PDGFD: variants seen among roughly 807,000 people sequenced by gnomAD.
PDGFD encodes platelet-derived growth factor D.
Under a neutral mutation model 44.7 loss-of-function variants are expected in PDGFD, and 30 were observed. The ratio of observed to expected loss-of-function variants is 0.67; its 90% CI spans 0.50 to 0.91. The LOEUF is 0.91. Among genes scored for constraint, PDGFD ranks in the 40% least tolerant of loss-of-function variants. The pLI, the probability that PDGFD is intolerant of heterozygous loss-of-function variation, is 0.00. For synonymous variants in PDGFD, 173 were observed against 168.4 expected (o/e 1.03, Z -0.21); for missense variants, 445 against 457.8 (o/e 0.97, Z 0.25).
At chr11:104,150,210 T>C (rs1862222191) in intron 1 of PDGFD, among the ~76,000 whole-genome samples, 1 of 152,204 alleles carries the variant, frequency 6.6e-6, no homozygotes, top group Non-Finnish European at 1.5e-5. Flanking sequence ...AATAATTTTA[T>C]AATATAATGA....
chr11:104,062,061 C>T (rs1343033479), intron 1 of PDGFD, among the ~76,000 whole-genome samples: 1 of 152,220 alleles, frequency 6.6e-6, no homozygotes, highest in Non-Finnish European at 1.5e-5. Flanking sequence ...ATAATTGAGA[C>T]ACCATCCCCT....
At chr11:104,018,714 C>T (rs567007977) in intron 1 of PDGFD, among the ~76,000 whole-genome samples, 22 of 152,324 alleles carry the variant, frequency 1.4e-4, no homozygotes, top group Non-Finnish European at 2.5e-4. Context: ...CATACATGTC[C>T]TTTTCTGCCT....
chr11:104,112,447 C>A (rs1166709572), intron 1 of PDGFD, among the ~76,000 whole-genome samples: 1 of 152,010 alleles, frequency 6.6e-6, no homozygotes, highest in Non-Finnish European at 1.5e-5. Context: ...TTAGTTCAAC[C>A]ATTGTGGAAG....
intron 3 of PDGFD, among the ~76,000 whole-genome samples, chr11:103,954,199 G>A (rs61059436): frequency 0.04 from 6,101 of 152,288 alleles, 184 homozygotes; most frequent in African/African-American, 0.082. Context: ...CCATGCCAGA[G>A]AGGACAGTTG....
At chr11:103,936,591 TA>T (rs1367994221) in intron 5 of PDGFD, among the ~76,000 whole-genome samples, 2 of 152,180 alleles carry the variant, frequency 1.3e-5, no homozygotes, top group Admixed American at 6.6e-5. Context: ...TACCTGTAAA[TA>T]ATTTGCAAAT....
At chr11:104,123,970 G>A (rs1861810595) in intron 1 of PDGFD, among the ~76,000 whole-genome samples, 1 of 146,602 alleles carries the variant, frequency 6.8e-6, no homozygotes, top group African/African-American at 2.5e-5. Flanking sequence ...ACATTTAACA[G>A]GAAAAAGTGA....
chr11:104,137,705 T>C (rs1862029109), intron 1 of PDGFD, among the ~76,000 whole-genome samples: 1 of 151,212 alleles, frequency 6.6e-6, no homozygotes. Flanking sequence ...TCTAAAATTA[T>C]TCTATAGTGA....
chr11:104,143,120 GA>G (rs1305766811), intron 1 of PDGFD, among the ~76,000 whole-genome samples: 2 of 152,082 alleles, frequency 1.3e-5, no homozygotes, highest in Non-Finnish European at 2.9e-5. Flanking sequence ...TATTCTGTAT[GA>G]AAAAATTTTC....
intron 1 of PDGFD, among the ~76,000 whole-genome samples, chr11:104,157,649 C>T (rs1464749691): frequency 6.6e-6 from 1 of 152,180 alleles, no homozygotes; most frequent in Non-Finnish European, 1.5e-5. Flanking sequence ...ACCCAGTAAT[C>T]ATCCCTGAAC....
rs188701840 is a variant in PDGFD at position 104,070,515 on chromosome 11, A to T, written c.125-70260T>A. 2.4e-3 allele frequency among the ~76,000 whole-genome samples: 368 copies of T among 152,328 alleles called. 3 individuals are homozygous for T. The highest frequency in any genetic ancestry group is 5.0e-3 in the South Asian group (24 of 4,830). On this transcript the variant is annotated intron_variant, in intron 1 of 6. Coordinates refer to ENST00000393158, the MANE Select transcript of PDGFD (RefSeq NM_025208.5). ...CTGACCCAAGCCTCTAAAATAATACAGGAGTTCAATATGTGTTTAAAGTTC... is the reference window on the plus strand; with the variant it reads ...CTGACCCAAGCCTCTAAAATAATACTGGAGTTCAATATGTGTTTAAAGTTC...
intron 3 of PDGFD, among the ~76,000 whole-genome samples, chr11:103,960,484 A>G (rs1003866936): frequency 6.6e-6 from 1 of 152,304 alleles, no homozygotes; most frequent in East Asian, 1.9e-4. Flanking sequence ...TTTATTCACT[A>G]TTTGACTGAG....
chr11:104,039,368 C>T (rs748563644), intron 1 of PDGFD, among the ~76,000 whole-genome samples: 9 of 151,814 alleles, frequency 5.9e-5, no homozygotes, highest in Non-Finnish European at 1.2e-4. Flanking sequence ...TCTATTTTCC[C>T]GACAAGATAT....
chr11:103,931,633 C>T (rs577034437), intron 5 of PDGFD, among the ~76,000 whole-genome samples: 7 of 152,194 alleles, frequency 4.6e-5, no homozygotes, highest in African/African-American at 1.7e-4. Context: ...GCTGCCCAGG[C>T]TGGAGTGCAG....
chr11:103,933,604 C>A (rs1591082597), intron 5 of PDGFD, among the ~76,000 whole-genome samples: 1 of 152,180 alleles, frequency 6.6e-6, no homozygotes, highest in Admixed American at 6.5e-5. Flanking sequence ...TCCTGATTTT[C>A]AAGGTTTAGA....
chr11:104,029,353 G>A (rs1860091504), intron 1 of PDGFD, among the ~76,000 whole-genome samples: 1 of 152,100 alleles, frequency 6.6e-6, no homozygotes, highest in Non-Finnish European at 1.5e-5. Context: ...ATCAGTCTTT[G>A]TTTTTCATTT....
chr11:104,162,467 A>G (rs941143170), intron 1 of PDGFD, among the ~76,000 whole-genome samples: 12 of 152,172 alleles, frequency 7.9e-5, no homozygotes, highest in Admixed American at 5.9e-4. Context: ...TAAAAAAATA[A>G]ATAAATAAAT....
chr11:103,948,690 A>C (rs1251146940), intron 3 of PDGFD, among the ~76,000 whole-genome samples: 1 of 152,150 alleles, frequency 6.6e-6, no homozygotes, highest in African/African-American at 2.4e-5. Context: ...TTATTTATCC[A>C]AGTATACCTA....
At chr11:103,927,765 A>G (rs920938414) in intron 5 of PDGFD, among the ~76,000 whole-genome samples, 12 of 152,224 alleles carry the variant, frequency 7.9e-5, no homozygotes, top group African/African-American at 2.9e-4. Flanking sequence ...TTGGAGCCGC[A>G]GTAAAGTTAC....
intron 1 of PDGFD, among the ~76,000 whole-genome samples, chr11:104,075,878 T>G (rs1425644242): frequency 6.6e-6 from 1 of 152,144 alleles, no homozygotes; most frequent in Non-Finnish European, 1.5e-5. Context: ...TGCAAAGGCC[T>G]CTTAATGGAA....
Sources: allele counts gnomAD v4.1 joint callset (sites outside exome capture counted in the v4.1 genomes callset), GRCh38; gene constraint gnomAD v4.1.1; transcripts MANE v1.5; gene names NCBI Gene and HGNC (gene_info 2026-07-23, HGNC 2026-07-21).